Variants in ZNF148 observed in about 807,000 individuals in gnomAD.
ZNF148 encodes the protein zinc finger protein 148.
ZNF148 carries 7 observed loss-of-function variants against 67.7 expected under a neutral mutation model. The observed-to-expected ratio is 0.10, with a 90% CI of 0.06 to 0.19. The LOEUF (loss-of-function observed/expected upper bound fraction) is 0.19, where lower values mean the gene tolerates loss of function less well. Ranked by LOEUF, ZNF148 falls within the 10% of genes least tolerant of loss-of-function variation. The pLI is 1.00. For missense variants in ZNF148, 583 were observed against 947.1 expected, an observed-to-expected ratio of 0.62 and a Z score of 5.05; for synonymous variants, 333 against 330.7, an observed-to-expected ratio of 1.01 and a Z score of -0.08.
At chr3:125,320,917 T>C (rs1450045212) in intron 3 of ZNF148, among the ~76,000 whole-genome samples, 1 of 152,168 alleles carries the variant, frequency 6.6e-6, no homozygotes, top group Non-Finnish European at 1.5e-5. Flanking sequence ...ATATCAGCAT[T>C]AGAAATACAA....
intron 1 of ZNF148, among the ~76,000 whole-genome samples, chr3:125,345,129 T>C (rs547178634): frequency 6.4e-4 from 98 of 152,232 alleles, no homozygotes; most frequent in African/African-American, 2.2e-3. Flanking sequence ...TTTTCTTAAG[T>C]ACCCATGGAA....
chr3:125,288,261 T>C (rs756233784), intron 4 of ZNF148, 33 bp from the exon 5 acceptor site: 14 of 1,579,226 alleles, frequency 8.9e-6, no homozygotes, highest in South Asian at 1.2e-5. Context: ...ATTTTAGACA[T>C]AAATAAAAAG....
intron 7 of ZNF148, among the ~76,000 whole-genome samples, chr3:125,247,003 T>C (rs962474981): frequency 6.6e-6 from 1 of 152,168 alleles, no homozygotes; most frequent in Non-Finnish European, 1.5e-5. Flanking sequence ...TGAGACTAAA[T>C]TACAACCAAT....
At chr3:125,318,157 CTCAG>C (rs1940607908) in intron 3 of ZNF148, among the ~76,000 whole-genome samples, 1 of 152,174 alleles carries the variant, frequency 6.6e-6, no homozygotes, top group Non-Finnish European at 1.5e-5. Flanking sequence ...CTTAAGTGGT[CTCAG>C]TCAAAGCTCT....
intron 7 of ZNF148, among the ~76,000 whole-genome samples, chr3:125,244,494 CTTT>C (rs941967288): frequency 1.6e-4 from 24 of 151,814 alleles, no homozygotes; most frequent in Non-Finnish European, 2.7e-4. Flanking sequence ...CTTCAGAAAT[CTTT>C]TTTGTTTTTT....
intron 2 of ZNF148, among the ~76,000 whole-genome samples, chr3:125,323,668 G>C (rs138972363): frequency 6.6e-6 from 1 of 152,066 alleles, no homozygotes; most frequent in Non-Finnish European, 1.5e-5. Flanking sequence ...GCCTTATAAA[G>C]AACAATTGCC....
At chr3:125,343,961 T>G (rs888883948) in intron 1 of ZNF148, 6 of 163,904 alleles carry the variant, frequency 3.7e-5, no homozygotes, top group African/African-American at 1.4e-4. Context: ...TACTTTAGAT[T>G]TGGTACAATT....
chr3:125,356,645 T>C (rs1942352321), intron 1 of ZNF148, among the ~76,000 whole-genome samples: 1 of 152,212 alleles, frequency 6.6e-6, no homozygotes, highest in South Asian at 2.1e-4. Flanking sequence ...ATGCCTAATT[T>C]TGCAAAATTC....
intron 3 of ZNF148, among the ~76,000 whole-genome samples, chr3:125,317,643 T>TTATATATA (rs796710882): frequency 3.0e-5 from 3 of 100,992 alleles, no homozygotes; most frequent in Non-Finnish European, 6.0e-5. Context: ...GTAAGATCTT[T>TTATATATA]TATATATATA....
intron 1 of ZNF148, among the ~76,000 whole-genome samples, chr3:125,371,375 G>A (rs979883536): frequency 0.13 from 1,767 of 14,004 alleles, 12 homozygotes; most frequent in African/African-American, 0.33. Flanking sequence ...AAAAAAAAGG[G>A]GGGGGGGGGG....
At chr3:125,315,453 C>G (rs1559750276) in intron 3 of ZNF148, among the ~76,000 whole-genome samples, 1 of 151,712 alleles carries the variant, frequency 6.6e-6, no homozygotes, top group Non-Finnish European at 1.5e-5. Flanking sequence ...TCACGTCTGT[C>G]ATCCCAACAC....
chr3:125,324,848 T>C (rs1211129121), intron 2 of ZNF148, among the ~76,000 whole-genome samples: 2 of 152,210 alleles, frequency 1.3e-5, no homozygotes, highest in Non-Finnish European at 2.9e-5. Context: ...CTCAAATTCT[T>C]GTAGAACTAT....
intron 4 of ZNF148, among the ~76,000 whole-genome samples, chr3:125,308,172 CTAT>C (rs1041035766): frequency 1.9e-4 from 29 of 152,096 alleles, no homozygotes; most frequent in African/African-American, 6.8e-4. Context: ...AACATAACTA[CTAT>C]AACTAATCAG....
At chr3:125,318,670 T>C (rs1421394178) in intron 3 of ZNF148, among the ~76,000 whole-genome samples, 2 of 152,112 alleles carry the variant, frequency 1.3e-5, no homozygotes, top group Admixed American at 1.3e-4. Context: ...GGCAGCGCTG[T>C]TAAGAACCAA....
intron 1 of ZNF148, among the ~76,000 whole-genome samples, chr3:125,369,026 C>T (rs936289445): frequency 6.6e-6 from 1 of 151,290 alleles, no homozygotes; most frequent in Admixed American, 6.6e-5. Context: ...CTTTGAGAGG[C>T]TAAGGCAGGC....
intron 7 of ZNF148, among the ~76,000 whole-genome samples, chr3:125,260,266 C>T (rs1033128994): frequency 1.3e-4 from 20 of 151,942 alleles, no homozygotes; most frequent in Admixed American, 1.2e-3. Context: ...ATGATGCTGA[C>T]AGACGCTCAA....
At chr3:125,300,599 A>G (rs548693351) in intron 4 of ZNF148, among the ~76,000 whole-genome samples, 1 of 152,358 alleles carries the variant, frequency 6.6e-6, no homozygotes, top group Non-Finnish European at 1.5e-5. Context: ...GCTGCTTTAT[A>G]GCACAAAAAT....
intron 7 of ZNF148, among the ~76,000 whole-genome samples, chr3:125,245,872 C>T (rs1367181586): frequency 1.3e-5 from 2 of 152,292 alleles, no homozygotes; most frequent in South Asian, 2.1e-4. Flanking sequence ...TTAAAGCATA[C>T]TATTGGTCTT....
chr3:125,274,898 C>T (rs1338665442), intron 7 of ZNF148, among the ~76,000 whole-genome samples: 1 of 152,110 alleles, frequency 6.6e-6, no homozygotes, highest in Non-Finnish European at 1.5e-5. Context: ...TATTTAAATG[C>T]ATTCTTCTAA....
Sources: gnomAD v4.1 joint callset for allele counts (sites outside exome capture counted in the v4.1 genomes callset) on GRCh38, gnomAD v4.1.1 for gene constraint, MANE v1.5 for transcripts, NCBI Gene and HGNC (gene_info 2026-07-23, HGNC 2026-07-21) for gene names.